PLPP4: variants seen among roughly 807,000 people sequenced by gnomAD.
The protein encoded by PLPP4 is phospholipid phosphatase 4.
In PLPP4, 20 loss-of-function variants were observed where a neutral mutation model predicts 32.2. The ratio of observed to expected loss-of-function variants is 0.62; its 90% CI spans 0.44 to 0.90. The LOEUF (loss-of-function observed/expected upper bound fraction) is 0.90. Ranked by LOEUF, PLPP4 falls within the 40% of genes least tolerant of loss-of-function variation. PLPP4 has a pLI of 0.00. For missense variants in PLPP4, 257 were observed against 353.1 expected (o/e 0.73, Z 2.18); for synonymous variants, 127 against 133.0 (o/e 0.95, Z 0.31).
chr10:120,529,901 A>G (rs942628906), intron 5 of PLPP4, among the ~76,000 whole-genome samples: 1 of 152,216 alleles, frequency 6.6e-6, no homozygotes, highest in Non-Finnish European at 1.5e-5. Flanking sequence ...CAAGTGAGCT[A>G]TGATTCCATC....
intron 5 of PLPP4, among the ~76,000 whole-genome samples, chr10:120,533,595 C>G (rs1309056336): frequency 1.1e-4 from 17 of 152,108 alleles, no homozygotes; most frequent in Admixed American, 1.1e-3. Flanking sequence ...AATTTCCTAA[C>G]CCAAGGTCAC....
intron 1 of PLPP4, among the ~76,000 whole-genome samples, chr10:120,488,776 T>C (rs1385748969): frequency 6.6e-6 from 1 of 152,208 alleles, no homozygotes; most frequent in Non-Finnish European, 1.5e-5. Context: ...CACCTCAGTG[T>C]GCTCTTGCCC....
chr10:120,535,854 G>T (rs1846992578), intron 5 of PLPP4, among the ~76,000 whole-genome samples: 1 of 152,114 alleles, frequency 6.6e-6, no homozygotes, highest in Admixed American at 6.5e-5. Flanking sequence ...TAAAGGGATT[G>T]GATAGCAGCT....
intron 5 of PLPP4, among the ~76,000 whole-genome samples, chr10:120,525,524 G>A (rs1035587956): frequency 6.6e-6 from 1 of 152,118 alleles, no homozygotes; most frequent in African/African-American, 2.4e-5. Flanking sequence ...AGTACAGGGT[G>A]ATCAGACATG....
chr10:120,565,807 A>G (rs375272497), intron 5 of PLPP4, among the ~76,000 whole-genome samples: 1 of 152,022 alleles, frequency 6.6e-6, no homozygotes, highest in South Asian at 2.1e-4. Flanking sequence ...AATTTCACTT[A>G]GATATTTGTT....
At chr10:120,587,342 C>CA (rs1186699043) in intron 6 of PLPP4, 1 of 152,210 alleles carries the variant, frequency 6.6e-6, no homozygotes, top group Non-Finnish European at 1.5e-5. Context: ...TGTCCCAAGT[C>CA]CAGTTCCAGA....
intron 5 of PLPP4, among the ~76,000 whole-genome samples, chr10:120,541,624 C>T (rs1275677612): frequency 6.6e-6 from 1 of 152,174 alleles, no homozygotes; most frequent in African/African-American, 2.4e-5. Context: ...GTTCTCATGT[C>T]TCCACTTATG....
intron 1 of PLPP4, among the ~76,000 whole-genome samples, chr10:120,464,341 G>A (rs772927723): frequency 2.0e-5 from 3 of 152,160 alleles, no homozygotes; most frequent in African/African-American, 7.2e-5. Context: ...CTCAGCAAAT[G>A]GTGATGTTAT....
At chr10:120,503,478 C>T in intron 1 of PLPP4, 2 of 1,485,388 alleles carry the variant, frequency 1.3e-6, no homozygotes, top group Non-Finnish European at 1.8e-6. Flanking sequence ...TTTCAAGAGA[C>T]CATGCTGCTG....
chr10:120,588,624 A>G (rs891431215), intron 6 of PLPP4, among the ~76,000 whole-genome samples: 25 of 152,240 alleles, frequency 1.6e-4, no homozygotes, highest in Non-Finnish European at 3.5e-4. Context: ...AGAAAAAAAA[A>G]ATTACAGCTC....
chr10:120,482,435 G>A (rs1203842297), intron 1 of PLPP4, among the ~76,000 whole-genome samples: 1 of 152,160 alleles, frequency 6.6e-6, no homozygotes, highest in Non-Finnish European at 1.5e-5. Context: ...CCCTGCCCTA[G>A]AGATTTGTGG....
At chr10:120,577,472 A>G (rs1250728433) in intron 6 of PLPP4, among the ~76,000 whole-genome samples, 2 of 152,162 alleles carry the variant, frequency 1.3e-5, no homozygotes, top group African/African-American at 4.8e-5. Flanking sequence ...TCTTTAGGGA[A>G]TGGTGAATTT....
chr10:120,558,609 T>G (rs1223713408), intron 5 of PLPP4, among the ~76,000 whole-genome samples: 4 of 152,054 alleles, frequency 2.6e-5, no homozygotes, highest in Admixed American at 2.6e-4. Flanking sequence ...AAAGACGAGG[T>G]TGCACCATGT....
At chr10:120,524,099 T>A (rs1247625430) in intron 5 of PLPP4, among the ~76,000 whole-genome samples, 1 of 152,240 alleles carries the variant, frequency 6.6e-6, no homozygotes, top group Non-Finnish European at 1.5e-5. Flanking sequence ...GCTTAAAATG[T>A]TACCCATTTT....
intron 1 of PLPP4, among the ~76,000 whole-genome samples, chr10:120,496,963 G>A (rs564685759): frequency 6.6e-6 from 1 of 151,736 alleles, no homozygotes; most frequent in South Asian, 2.1e-4. Context: ...ATATGTGAGT[G>A]TAGTTTTTAT....
At chr10:120,510,282 G>A (rs748157518) in intron 2 of PLPP4, among the ~76,000 whole-genome samples, 2 of 152,152 alleles carry the variant, frequency 1.3e-5, no homozygotes, top group South Asian at 2.1e-4. Context: ...AGCAGTGTTC[G>A]GCTGGAATTC....
chr10:120,526,457 T>C (rs1484969650), intron 5 of PLPP4, among the ~76,000 whole-genome samples: 1 of 152,154 alleles, frequency 6.6e-6, no homozygotes, highest in Non-Finnish European at 1.5e-5. Context: ...CCTCCAGTGT[T>C]AGCTAGCGTC....
intron 5 of PLPP4, among the ~76,000 whole-genome samples, chr10:120,574,727 T>C (rs905641391): frequency 1.3e-5 from 2 of 152,182 alleles, no homozygotes; most frequent in Non-Finnish European, 2.9e-5. Context: ...TTGTTTCTTA[T>C]AGAATGTATC....
chr10:120,589,626 C>A lies in PLPP4; in HGVS notation c.*124C>A. On this transcript the variant is annotated 3_prime_UTR_variant, in exon 7 of 7. Transcript: ENST00000398250. The stretch of plus-strand genomic sequence containing the variant: ...GTTGTTTCTCAAAGTCATCGTACTT[C>A]TGCTTCTGTTTCACTGATGGTGTTC... The A allele has an allele frequency of 1.4e-6, 1 of 736,860 alleles. No individual in the cohort carries two copies. Among genetic ancestry groups the A allele is most frequent in the Non-Finnish European group, 2.2e-6 (1 of 461,570 alleles). 45.6% of individuals were successfully genotyped at this position (736,860 alleles called of 1,614,324 possible). A position where few individuals can be genotyped will look rare whatever the true frequency, so the allele number is the denominator to read the frequency against.
Sources: allele counts gnomAD v4.1 joint callset (sites outside exome capture counted in the v4.1 genomes callset), GRCh38; gene constraint gnomAD v4.1.1; transcripts MANE v1.5; gene names NCBI Gene and HGNC (gene_info 2026-07-23, HGNC 2026-07-21).